Variants in DGKB observed in about 807,000 individuals in gnomAD.
DGKB encodes the protein diacylglycerol kinase beta.
In DGKB, 67 loss-of-function variants were observed where a neutral mutation model predicts 114.3. The observed-to-expected ratio is 0.59, with a 90% CI of 0.48 to 0.72. The LOEUF is 0.72. DGKB is among the 30% of genes least tolerant of loss of function. The pLI is 0.00. For synonymous variants in DGKB, 398 were observed against 323.1 expected, an observed-to-expected ratio of 1.23 and a Z score of -2.49; for missense variants, 907 against 975.2, an observed-to-expected ratio of 0.93 and a Z score of 0.93.
chr7:14,692,504 G>A (rs533290428), intron 9 of DGKB, among the ~76,000 whole-genome samples: 2 of 151,798 alleles, frequency 1.3e-5, no homozygotes, highest in East Asian at 3.9e-4. Flanking sequence ...TCTCCCAGTA[G>A]TCTGATTTAC....
At chr7:14,931,755 G>A (rs1785029698) in intron 1 of DGKB, among the ~76,000 whole-genome samples, 1 of 151,978 alleles carries the variant, frequency 6.6e-6, no homozygotes, top group African/African-American at 2.4e-5. Flanking sequence ...ATCTTCTGAA[G>A]CTAAGTCCTG....
chr7:14,865,224 G>T (rs1851539002), intron 1 of DGKB, among the ~76,000 whole-genome samples: 1 of 152,174 alleles, frequency 6.6e-6, no homozygotes, highest in East Asian at 1.9e-4. Flanking sequence ...TTCTCTATCT[G>T]TGAATCCCAG....
intron 21 of DGKB, among the ~76,000 whole-genome samples, chr7:14,424,399 T>G (rs1333809903): frequency 1.4e-5 from 2 of 142,854 alleles, no homozygotes; most frequent in African/African-American, 5.2e-5. Flanking sequence ...CCCATTTTCT[T>G]CATCTTTTTT....
At chr7:14,243,448 A>G (rs893805828) in intron 23 of DGKB, among the ~76,000 whole-genome samples, 1 of 152,234 alleles carries the variant, frequency 6.6e-6, no homozygotes, top group Non-Finnish European at 1.5e-5. Context: ...AGATGCTAAC[A>G]TATTAGATTT....
chr7:14,759,481 G>A (rs575902637), intron 2 of DGKB, among the ~76,000 whole-genome samples: 1 of 151,998 alleles, frequency 6.6e-6, no homozygotes, highest in Non-Finnish European at 1.5e-5. Context: ...GCCTATTCTG[G>A]ATATTTCATG....
At chr7:14,212,843 C>T (rs1788348660) in intron 23 of DGKB, among the ~76,000 whole-genome samples, 1 of 152,062 alleles carries the variant, frequency 6.6e-6, no homozygotes. Context: ...CCATTTTTGA[C>T]ATCTCTGTCT....
rs182061064 is a variant in DGKB, at chr7:14,208,145, T to C, written c.2123-29994A>G. On this transcript the variant is annotated intron_variant, in intron 23 of 25. Transcript: ENST00000402815. ...TCTGTATAAGCACCTGTCTCTCCAG[T>C]AAAATAAAACAAAATATCCAGTGAG... 3.0e-3 allele frequency among the ~76,000 whole-genome samples: 459 copies of C among 152,168 alleles called. 1 individual carries two copies. The highest frequency in any genetic ancestry group is 4.7e-3 in the Admixed American group (71 of 15,264).
intron 14 of DGKB, among the ~76,000 whole-genome samples, chr7:14,629,957 CTT>C (rs1312013956): frequency 1.3e-5 from 2 of 151,916 alleles, no homozygotes; most frequent in African/African-American, 4.8e-5. Context: ...AGTAAAAACT[CTT>C]TGTAAAGTAA....
chr7:14,346,472 A>C (rs1047547654), intron 21 of DGKB, among the ~76,000 whole-genome samples: 8 of 151,958 alleles, frequency 5.3e-5, no homozygotes, highest in African/African-American at 1.9e-4. Flanking sequence ...TATTTGCTTA[A>C]AAAATTCACA....
intron 21 of DGKB, among the ~76,000 whole-genome samples, chr7:14,414,811 T>A (rs752958618): frequency 6.6e-6 from 1 of 152,108 alleles, no homozygotes; most frequent in Non-Finnish European, 1.5e-5. Flanking sequence ...GTCTTAGGGA[T>A]GTGTGAAGGG....
chr7:14,679,016 G>A (rs1317562530), intron 12 of DGKB, among the ~76,000 whole-genome samples: 1 of 151,954 alleles, frequency 6.6e-6, no homozygotes, highest in Non-Finnish European at 1.5e-5. Flanking sequence ...CAGTCTTTGG[G>A]AATAAAAATC....
chr7:14,647,883 G>A (rs900202149), intron 13 of DGKB, among the ~76,000 whole-genome samples: 3 of 152,182 alleles, frequency 2.0e-5, no homozygotes, highest in South Asian at 2.1e-4. Context: ...AAGGGGTGAC[G>A]GACAGCACCT....
chr7:14,388,360 A>C (rs1191318957), intron 21 of DGKB, among the ~76,000 whole-genome samples: 1 of 148,304 alleles, frequency 6.7e-6, no homozygotes, highest in African/African-American at 2.5e-5. Context: ...ATATTTTAAT[A>C]TATACATATA....
chr7:14,827,551 TA>T (rs1158850060), intron 2 of DGKB, among the ~76,000 whole-genome samples: 1 of 152,134 alleles, frequency 6.6e-6, no homozygotes, highest in Non-Finnish European at 1.5e-5. Context: ...TCCAAAGTCA[TA>T]ACTAACCCAT....
intron 21 of DGKB, among the ~76,000 whole-genome samples, chr7:14,474,260 CG>C (rs1563266931): frequency 6.6e-6 from 1 of 152,048 alleles, no homozygotes; most frequent in Non-Finnish European, 1.5e-5. Context: ...TGGTTCTACA[CG>C]GGGGAGTTTC....
At chr7:14,770,994 T>C (rs1170257608) in intron 2 of DGKB, among the ~76,000 whole-genome samples, 1 of 151,932 alleles carries the variant, frequency 6.6e-6, no homozygotes, top group African/African-American at 2.4e-5. Context: ...ATTAAATAAG[T>C]TTTATTGGGG....
At chr7:14,490,277 T>C (rs1223763856) in intron 20 of DGKB, among the ~76,000 whole-genome samples, 1 of 152,176 alleles carries the variant, frequency 6.6e-6, no homozygotes, top group Non-Finnish European at 1.5e-5. Context: ...AGGCTTTAGC[T>C]TATGAATTCC....
chr7:14,579,784 T>C (rs1032410769), intron 19 of DGKB, among the ~76,000 whole-genome samples: 1 of 152,010 alleles, frequency 6.6e-6, no homozygotes, highest in Non-Finnish European at 1.5e-5. Flanking sequence ...TTAGGGAGTT[T>C]GTTTAAAAAA....
At chr7:14,700,173 G>T (rs376815243) in intron 7 of DGKB, among the ~76,000 whole-genome samples, 1 of 150,358 alleles carries the variant, frequency 6.7e-6, no homozygotes, top group Non-Finnish European at 1.5e-5. Context: ...GGAAACTGAA[G>T]ACCACTAGGC....
Sources: gnomAD v4.1 joint callset for allele counts (sites outside exome capture counted in the v4.1 genomes callset) on GRCh38, gnomAD v4.1.1 for gene constraint, MANE v1.5 for transcripts, NCBI Gene and HGNC (gene_info 2026-07-23, HGNC 2026-07-21) for gene names.